Variants in EPS15L1 observed in about 807,000 individuals in gnomAD.
EPS15L1 encodes the protein epidermal growth factor receptor substrate 15-like 1.
EPS15L1 carries 43 observed loss-of-function variants against 117.1 expected under a neutral mutation model. The observed-to-expected ratio is 0.37, with a 90% confidence interval of 0.29 to 0.47. EPS15L1 has a LOEUF of 0.47. Among genes scored for constraint, EPS15L1 ranks in the 20% least tolerant of loss-of-function variants. EPS15L1 has a pLI of 0.99. For synonymous variants in EPS15L1, 459 were observed against 470.5 expected (o/e 0.98, Z 0.32); for missense variants, 981 against 1,164.0 (o/e 0.84, Z 2.29).
At chr19:16,467,079 A>G (rs1333093376) in intron 1 of EPS15L1, among the ~76,000 whole-genome samples, 1 of 152,082 alleles carries the variant, frequency 6.6e-6, no homozygotes, top group African/African-American at 2.4e-5. Context: ...CTGGGAATCC[A>G]AACAAACATC....
At chr19:16,436,047 A>G (rs569231590) in intron 6 of EPS15L1, among the ~76,000 whole-genome samples, 12 of 152,308 alleles carry the variant, frequency 7.9e-5, no homozygotes, top group Admixed American at 1.3e-4. Flanking sequence ...AGTGATTGCC[A>G]CTGGCAAAGT....
At position 16,437,762 on chromosome 19, in the gene EPS15L1, A is replaced by G. The variant is rs1025965893; in HGVS notation, c.309+8T>C. The G allele has an allele frequency of 3.1e-6, 5 of 1,610,496 alleles. No individual in the cohort carries two copies. Among genetic ancestry groups the G allele is most frequent in the Non-Finnish European group, 3.4e-6 (4 of 1,176,652 alleles). ...AAGAATGTGAACTTGAAGGACTTGG[A>G]CACTCACAAATTTAGGCGGTGGCAT... On this transcript the variant is annotated splice_region_variant and intron_variant, in intron 5 of 23. Coordinates refer to ENST00000455140, the MANE Select transcript of EPS15L1 (RefSeq NM_001258374.3).
intron 1 of EPS15L1, among the ~76,000 whole-genome samples, chr19:16,455,554 T>G (rs1464770682): frequency 2.0e-5 from 3 of 152,242 alleles, no homozygotes; most frequent in Admixed American, 2.0e-4. Flanking sequence ...CCCAGCTCCA[T>G]CTACACCTAT....
chr19:16,440,219 G>C (rs2093017607), intron 4 of EPS15L1, among the ~76,000 whole-genome samples: 1 of 152,144 alleles, frequency 6.6e-6, no homozygotes, highest in Admixed American at 6.5e-5. Context: ...GATCACCTGA[G>C]GTCAGGAGTT....
In EPS15L1 at chr19:16,371,538, C is replaced by T. The variant is rs1368661305; in HGVS notation, c.2380+5584G>A. On this transcript the variant is annotated intron_variant, in intron 22 of 23. Transcript: ENST00000455140. This position sits in a 1 kb window ranked among gnomAD's most constrained non-coding sequence, Gnocchi z 4.7. ...GGCTTTGTTTAGGAGGTGAAAAGGT[C>T]ATTAGCAGTAATAAAATAATCATTA... Among the ~76,000 whole-genome samples, 2 of 152,096 alleles carry T rather than the reference C, an allele frequency of 1.3e-5. No homozygotes were observed. Among genetic ancestry groups the T allele is most frequent in the Non-Finnish European group, 2.9e-5 (2 of 68,018 alleles).
At chr19:16,393,077 T>TATA (rs149019261) in intron 18 of EPS15L1, among the ~76,000 whole-genome samples, 3,118 of 142,470 alleles carry the variant, frequency 0.022, 106 homozygotes, top group African/African-American at 0.069. Context: ...AGGAGCTGGA[T>TATA]ATAATAATAA....
intron 1 of EPS15L1, among the ~76,000 whole-genome samples, chr19:16,447,394 A>C (rs987389556): frequency 2.6e-5 from 4 of 152,216 alleles, no homozygotes; most frequent in Non-Finnish European, 5.9e-5. Context: ...AAAAATGAGC[A>C]AAGAGAGAGG....
At chr19:16,380,159 G>C (rs2092345104) in intron 21 of EPS15L1, among the ~76,000 whole-genome samples, 1 of 152,036 alleles carries the variant, frequency 6.6e-6, no homozygotes, top group Non-Finnish European at 1.5e-5. Context: ...AGCCATCTAA[G>C]GCTCCAGCAT....
chr19:16,426,580 A>C (rs1464220874), intron 8 of EPS15L1, among the ~76,000 whole-genome samples: 1 of 152,196 alleles, frequency 6.6e-6, no homozygotes, highest in Non-Finnish European at 1.5e-5. Flanking sequence ...TGGAGGATGC[A>C]GTGAGCTGAG....
At chr19:16,418,285 C>T (rs945465850) in intron 10 of EPS15L1, among the ~76,000 whole-genome samples, 181 bp from the exon 11 acceptor site, 6 of 152,164 alleles carry the variant, frequency 3.9e-5, no homozygotes, top group Admixed American at 1.3e-4. Context: ...AGGGGTTCCC[C>T]GCTCCCAGTG....
intron 6 of EPS15L1, chr19:16,435,130 T>G (rs1411738002): frequency 1.3e-5 from 2 of 152,126 alleles, no homozygotes; most frequent in Non-Finnish European, 2.9e-5. Context: ...TTTTGTATTT[T>G]TTGTAGAGAT....
At chr19:16,413,048 C>A (rs773839762) in intron 13 of EPS15L1, 5 of 730,744 alleles carry the variant, frequency 6.8e-6, no homozygotes, top group Middle Eastern at 2.4e-4. Context: ...AGACCCGCGC[C>A]GGCCAGTGCA....
chr19:16,390,226 T>C (rs2092462667), intron 19 of EPS15L1, among the ~76,000 whole-genome samples: 1 of 152,104 alleles, frequency 6.6e-6, no homozygotes, highest in South Asian at 2.1e-4. Context: ...AATGAAGTGA[T>C]TAAACAGACT....
At chr19:16,388,516 A>G (rs1485459431) in intron 19 of EPS15L1, among the ~76,000 whole-genome samples, 1 of 152,210 alleles carries the variant, frequency 6.6e-6, no homozygotes, top group African/African-American at 2.4e-5. Context: ...TACATACAGG[A>G]TAACAATGAC....
At chr19:16,396,610 A>C (rs1401690127) in intron 16 of EPS15L1, among the ~76,000 whole-genome samples, 1 of 152,184 alleles carries the variant, frequency 6.6e-6, no homozygotes, top group Non-Finnish European at 1.5e-5. Context: ...CTAAAATAAA[A>C]GTTCATTAAA....
chr19:16,358,674 G>C (rs527478961), intron 23 of EPS15L1, among the ~76,000 whole-genome samples: 139 of 152,368 alleles, frequency 9.1e-4, no homozygotes, highest in Non-Finnish European at 1.6e-3. Flanking sequence ...TGGGCGATGG[G>C]ATGGCCCCGG....
intron 1 of EPS15L1, among the ~76,000 whole-genome samples, chr19:16,453,531 GT>G (rs2093166061): frequency 6.6e-6 from 1 of 152,110 alleles, no homozygotes; most frequent in South Asian, 2.1e-4. Context: ...GGCTAACACG[GT>G]GAAACCCCGT....
intron 22 of EPS15L1, among the ~76,000 whole-genome samples, chr19:16,367,836 G>A (rs1236497725): frequency 6.6e-6 from 1 of 151,654 alleles, no homozygotes; most frequent in Non-Finnish European, 1.5e-5. Flanking sequence ...CATAAAAACG[G>A]TGAATGCTAT....
At chr19:16,417,294 G>A in intron 12 of EPS15L1, 2 of 459,518 alleles carry the variant, frequency 4.4e-6, no homozygotes, top group Non-Finnish European at 8.1e-6. Context: ...CCACACAGCT[G>A]CCACCCACAG....
Sources: allele counts gnomAD v4.1 joint callset (sites outside exome capture counted in the v4.1 genomes callset), GRCh38; gene constraint gnomAD v4.1.1; non-coding constraint Gnocchi (gnomAD v3.1); transcripts MANE v1.5; gene names NCBI Gene and HGNC (gene_info 2026-07-23, HGNC 2026-07-21).